NFE2L2: variants seen among roughly 807,000 people sequenced by gnomAD.
The protein encoded by NFE2L2 is nuclear factor erythroid 2-related factor 2.
A neutral mutation model predicts 49.6 loss-of-function variants in NFE2L2; 20 were observed. The ratio of observed to expected loss-of-function variants is 0.40; its 90% CI spans 0.28 to 0.59. NFE2L2 has a LOEUF of 0.59. Among genes scored for constraint, NFE2L2 ranks in the 20% least tolerant of loss-of-function variants. The probability of loss-of-function intolerance (pLI) is 0.40; values close to 1 mark genes in which losing one functional copy is unlikely to be tolerated. For missense variants in NFE2L2, 578 were observed against 714.2 expected (o/e 0.81, Z 2.17); for synonymous variants, 244 against 256.5 (o/e 0.95, Z 0.47).
intron 1 of NFE2L2, among the ~76,000 whole-genome samples, chr2:177,256,569 C>G: frequency 6.7e-6 from 1 of 150,044 alleles, no homozygotes; most frequent in East Asian, 1.9e-4. Flanking sequence ...TTGCATAGAG[C>G]CTAAATCTTA....
intron 1 of NFE2L2, among the ~76,000 whole-genome samples, chr2:177,240,435 A>G (rs1406085322): frequency 6.6e-6 from 1 of 152,164 alleles, no homozygotes; most frequent in African/African-American, 2.4e-5. Context: ...TGCATGGCAT[A>G]TGGAGCAAAT....
At chr2:177,244,701 A>C (rs1328261096) in intron 1 of NFE2L2, among the ~76,000 whole-genome samples, 1 of 152,176 alleles carries the variant, frequency 6.6e-6, no homozygotes. Context: ...AGATGGCAAG[A>C]ACACACAAGA....
Position 177,231,247 on chromosome 2 carries a change from A to C in NFE2L2, c.1356T>G (p.Ala452=). The change falls in exon 5 of 5, where the codon GCT becomes GCG. Residue 452 remains alanine (A), a synonymous_variant. Coordinates refer to ENST00000397062, the MANE Select transcript of NFE2L2 (RefSeq NM_006164.5). ...TKDKHSSRLE[A]HLTRDELRAK... ...CCCTAAGTTCATCTCTTGTGAGATGAGCCTCCAAGCGGCTTGAATGTTTGT... is the reference window on the plus strand; with the variant it reads ...CCCTAAGTTCATCTCTTGTGAGATGCGCCTCCAAGCGGCTTGAATGTTTGT... 3 of 1,614,196 alleles carry C rather than the reference A, an allele frequency of 1.9e-6. No individual in the cohort carries two copies. Among genetic ancestry groups the C allele is most frequent in the Non-Finnish European group, 2.5e-6 (3 of 1,180,048 alleles).
intron 3 of NFE2L2, 36 bp downstream of exon 3, chr2:177,233,214 G>A (rs1328095171): frequency 1.4e-6 from 2 of 1,468,430 alleles, no homozygotes; most frequent in African/African-American, 2.9e-5. Context: ...AGTTATGATG[G>A]AGTTTTTCTA....
intron 1 of NFE2L2, among the ~76,000 whole-genome samples, chr2:177,249,899 C>A (rs1372760718): frequency 6.6e-6 from 1 of 152,190 alleles, no homozygotes; most frequent in Non-Finnish European, 1.5e-5. Context: ...AGCCAAATTT[C>A]AAGCATGAGG....
chr2:177,244,744 C>T (rs961470509), intron 1 of NFE2L2, among the ~76,000 whole-genome samples: 3 of 152,078 alleles, frequency 2.0e-5, no homozygotes, highest in South Asian at 2.1e-4. Context: ...CGGTGGCACA[C>T]GCCTGTAATC....
intron 1 of NFE2L2, among the ~76,000 whole-genome samples, chr2:177,259,144 A>T (rs1690634967): frequency 6.6e-6 from 1 of 152,156 alleles, no homozygotes; most frequent in Non-Finnish European, 1.5e-5. Context: ...TCTACTAAAA[A>T]TACAAAAATT....
At chr2:177,263,530 T>A (rs1222737272) in intron 1 of NFE2L2, 1 of 985,406 alleles carries the variant, frequency 1.0e-6, no homozygotes, top group East Asian at 1.1e-4. Context: ...AGCTCCAACC[T>A]GTCCCTTGGC....
In NFE2L2 at chr2:177,249,059, A is replaced by G. The variant is rs1013990254; in HGVS notation, c.46-14788T>C. On this transcript the variant is annotated intron_variant, in intron 1 of 4. Transcript: ENST00000397062. ...ATGGAAGACGCAGTCTCTACAAAAG[A>G]GAAAAAAAAAAATAGCCAGGCGTGG... Among the ~76,000 whole-genome samples, 7 of 151,662 alleles carry G rather than the reference A, an allele frequency of 4.6e-5. No individual in the cohort carries two copies. In the East Asian group the frequency reaches 1.4e-3, roughly 29 times the overall value.
chr2:177,244,844 AAC>A (rs1451101885), intron 1 of NFE2L2, among the ~76,000 whole-genome samples: 1 of 151,856 alleles, frequency 6.6e-6, no homozygotes, highest in Non-Finnish European at 1.5e-5. Context: ...CTCTACTAAA[AAC>A]ACAAAAAATT....
At chr2:177,238,692 C>T (rs1689841060) in intron 1 of NFE2L2, among the ~76,000 whole-genome samples, 1 of 152,148 alleles carries the variant, frequency 6.6e-6, no homozygotes, top group African/African-American at 2.4e-5. Context: ...GTTGGGACTA[C>T]CTAGATGGTC....
chr2:177,231,053 C>G lies in NFE2L2; in HGVS notation c.1550G>C (p.Arg517Thr), dbSNP rs1057044. ...TAGTTCTACTATATTTTCCAGTTTT[C>G]TTTTTCTGCAATTCTGAGCAGCCAC... Reference protein sequence around the residue: ...NKVAAQNCRKRKLENIVELEQ... With the variant: ...NKVAAQNCRKTKLENIVELEQ... The change falls in exon 5 of 5, where the codon AGA becomes ACA. Residue 517 changes from arginine to threonine, a missense_variant. Physicochemically the swap from Arg to Thr is moderately conservative, Grantham distance 71. Transcript: ENST00000397062. 6.2e-7 allele frequency: 1 copy of G among 1,613,860 alleles called. No homozygotes were observed.
chr2:177,237,481 A>G (rs1689789562), intron 1 of NFE2L2, among the ~76,000 whole-genome samples: 1 of 152,246 alleles, frequency 6.6e-6, no homozygotes, highest in African/African-American at 2.4e-5. Flanking sequence ...AAAGGTTATC[A>G]TGGGAGACAG....
At chr2:177,261,170 CAA>C (rs59040355) in intron 1 of NFE2L2, among the ~76,000 whole-genome samples, 4 of 120,118 alleles carry the variant, frequency 3.3e-5, no homozygotes, top group Admixed American at 1.8e-4. Flanking sequence ...GACTTCATCT[CAA>C]AAAAAAAAAA....
chr2:177,239,545 C>T (rs1689871824), intron 1 of NFE2L2, among the ~76,000 whole-genome samples: 1 of 152,044 alleles, frequency 6.6e-6, no homozygotes, highest in Non-Finnish European at 1.5e-5. Flanking sequence ...GGCGTGGTGG[C>T]ATGTGCCTGT....
rs960019693 is a variant in NFE2L2 at position 177,264,658 on chromosome 2, C to G, written c.-82G>C. The G allele has an allele frequency of 3.9e-5, 50 of 1,267,532 alleles. No individual in the cohort carries two copies. Among genetic ancestry groups the G allele is most frequent in the Non-Finnish European group, 4.8e-5 (48 of 994,514 alleles). The allele number at this position is 1,267,532 out of a possible 1,614,324, so 78.5% of individuals were successfully genotyped here. On this transcript the variant is annotated 5_prime_UTR_variant, in exon 1 of 5. Coordinates refer to ENST00000397062, the MANE Select transcript of NFE2L2 (RefSeq NM_006164.5). ...GAGGCGCGGCGCGGACAGGGCGGCTCTGGTGGCGGCGGCGGCGGCGGTGGC... is the reference window on the plus strand; with the variant it reads ...GAGGCGCGGCGCGGACAGGGCGGCTGTGGTGGCGGCGGCGGCGGCGGTGGC...
At chr2:177,251,394 C>T (rs1450934991) in intron 1 of NFE2L2, among the ~76,000 whole-genome samples, 1 of 152,170 alleles carries the variant, frequency 6.6e-6, no homozygotes, top group Non-Finnish European at 1.5e-5. Context: ...GGTTTCTAGG[C>T]CCAGAACCTC....
intron 1 of NFE2L2, among the ~76,000 whole-genome samples, chr2:177,242,773 T>G (rs1396664852): frequency 6.6e-6 from 1 of 151,998 alleles, no homozygotes; most frequent in Non-Finnish European, 1.5e-5. Flanking sequence ...ACATGCAGAG[T>G]TCGGTCAAAA....
At position 177,231,046 on chromosome 2, in the gene NFE2L2, C is replaced by G. The variant is rs1343779406; in HGVS notation, c.1557G>C (p.Leu519=). 1.2e-6 allele frequency: 2 copies of G among 1,613,680 alleles called. No homozygotes were observed. The highest frequency in any genetic ancestry group is 1.7e-6 in the Non-Finnish European group (2 of 1,179,982). The part of the protein sequence containing the change: ...VAAQNCRKRK[L]ENIVELEQDL... ...CTTGCTCTAGTTCTACTATATTTTC[C>G]AGTTTTCTTTTTCTGCAATTCTGAG... Residue 519 remains leucine, a synonymous_variant, in exon 5 of 5, where the codon CTG becomes CTC. Transcript: ENST00000397062.
Sources: gnomAD v4.1 joint callset for allele counts (sites outside exome capture counted in the v4.1 genomes callset) on GRCh38, gnomAD v4.1.1 for gene constraint, MANE v1.5 for transcripts, NCBI Gene and HGNC (gene_info 2026-07-23, HGNC 2026-07-21) for gene names.